The following PARD3B variants were observed in gnomAD, a reference collection of about 807,000 sequenced individuals.
PARD3B encodes the protein partitioning defective 3 homolog B.
A neutral mutation model predicts 130.2 loss-of-function variants in PARD3B; 103 were observed. The ratio of observed to expected loss-of-function variants is 0.79; its 90% CI spans 0.67 to 0.93. The LOEUF (loss-of-function observed/expected upper bound fraction) is 0.93, where lower values mean the gene tolerates loss of function less well. Among genes scored for constraint, PARD3B ranks in the 40% least tolerant of loss-of-function variants. The probability of loss-of-function intolerance (pLI) is 0.00; values close to 1 mark genes in which losing one functional copy is unlikely to be tolerated. For synonymous variants in PARD3B, 583 were observed against 553.2 expected (o/e 1.05, Z -0.76); for missense variants, 1,609 against 1,499.2 (o/e 1.07, Z -1.21).
rs529460024 is a variant in PARD3B at position 205,590,697 on chromosome 2, G to A, written c.3261-24759G>A. On this transcript the variant is annotated intron_variant, in intron 22 of 22. Transcript: ENST00000406610. This position sits in a 1 kb window ranked among gnomAD's most constrained non-coding sequence, Gnocchi z 4.1. ...GCAAAAGCAGCAACTTTCTTCCACTGTCTCAACTCGGATCACAAGGGAAGA... is the reference window on the plus strand; with the variant it reads ...GCAAAAGCAGCAACTTTCTTCCACTATCTCAACTCGGATCACAAGGGAAGA... Among the ~76,000 whole-genome samples the A allele has an allele frequency of 3.9e-5, 6 of 152,224 alleles. No homozygotes were observed. The South Asian group carries it at 6.2e-4, about 16-fold the overall frequency.
chr2:204,865,805 A>G (rs1400040091), intron 2 of PARD3B, among the ~76,000 whole-genome samples: 1 of 152,230 alleles, frequency 6.6e-6, no homozygotes, highest in Non-Finnish European at 1.5e-5. Context: ...ATAGTGATAT[A>G]GAAGAAGAGT....
intron 2 of PARD3B, among the ~76,000 whole-genome samples, chr2:204,818,778 AAGGAACTTTTTAT>A (rs1007431704): frequency 3.9e-5 from 6 of 152,222 alleles, no homozygotes; most frequent in African/African-American, 1.4e-4. Context: ...CATAAAGAAA[AAGGAACTTTTTAT>A]TAGTATCTCC....
intron 2 of PARD3B, among the ~76,000 whole-genome samples, chr2:204,807,800 T>C (rs552958859): frequency 1.5e-3 from 223 of 152,014 alleles, no homozygotes; most frequent in South Asian, 0.01. Context: ...ATTTAACTTA[T>C]GGAGATTGAG....
chr2:204,559,197 CT>C (rs1419586950), intron 1 of PARD3B, among the ~76,000 whole-genome samples: 2 of 152,168 alleles, frequency 1.3e-5, no homozygotes, highest in Non-Finnish European at 2.9e-5. Context: ...CAAATGGGAT[CT>C]AATTAAACTA....
chr2:205,134,416 T>A (rs1271394544), intron 10 of PARD3B, among the ~76,000 whole-genome samples: 1 of 151,450 alleles, frequency 6.6e-6, no homozygotes, highest in Admixed American at 6.6e-5. Flanking sequence ...CCCAGCCACT[T>A]GGTAGGCTGA....
chr2:204,812,313 C>T (rs1019645519), intron 2 of PARD3B, among the ~76,000 whole-genome samples: 3 of 152,126 alleles, frequency 2.0e-5, no homozygotes, highest in South Asian at 2.1e-4. Context: ...TTCTTGCCTC[C>T]CCAGAGGAAA....
rs189579090 is a variant in PARD3B, at chr2:204,694,796, A to G, written c.222+8514A>G. Among the ~76,000 whole-genome samples the G allele has an allele frequency of 2.4e-3, 368 of 152,090 alleles. 5 individuals carry two copies. The highest frequency in any genetic ancestry group is 8.5e-3 in the African/African-American group (355 of 41,536). On this transcript the variant is annotated intron_variant, in intron 2 of 22. Transcript: ENST00000406610. Reference sequence around the variant, plus strand: ...TGACAACTATAGTGTGTATGGGTGTATGTGTGTATGTACGTATGATGAGAG... The same window carrying G: ...TGACAACTATAGTGTGTATGGGTGTGTGTGTGTATGTACGTATGATGAGAG...
rs2052980929 is a variant in PARD3B at position 205,558,269 on chromosome 2, AG to A, written c.3260+4867del. On this transcript the variant is annotated intron_variant, in intron 22 of 22. Coordinates refer to ENST00000406610, the MANE Select transcript of PARD3B (RefSeq NM_001302769.2). This position sits in a 1 kb window ranked among gnomAD's most constrained non-coding sequence, Gnocchi z 4.8. ...AGTGGTAGAGGCCATACCCAGGGCG[AG>A]TTAACCAGGAAGGTGGAGCATGATG... 1.3e-5 allele frequency among the ~76,000 whole-genome samples: 2 copies of A among 152,254 alleles called. No homozygotes were observed. Among genetic ancestry groups the A allele is most frequent in the Admixed American group, 6.5e-5 (1 of 15,300 alleles).
At chr2:205,355,449 C>A (rs1222121276) in intron 18 of PARD3B, among the ~76,000 whole-genome samples, 1 of 152,046 alleles carries the variant, frequency 6.6e-6, no homozygotes, top group Admixed American at 6.5e-5. Context: ...TTTTTCATAT[C>A]TTTATGATCA....
At chr2:204,597,296 A>G (rs1032984283) in intron 1 of PARD3B, among the ~76,000 whole-genome samples, 1 of 151,830 alleles carries the variant, frequency 6.6e-6, no homozygotes, top group Non-Finnish European at 1.5e-5. Flanking sequence ...TGCCCATAGG[A>G]TAAATGAGAA....
At chr2:205,505,390 AAAAAT>A (rs4044520) in intron 21 of PARD3B, among the ~76,000 whole-genome samples, 16 of 150,616 alleles carry the variant, frequency 1.1e-4, no homozygotes, top group South Asian at 8.4e-4. Context: ...TAAATAATAA[AAAAAT>A]AAAATAAAAT....
rs544061913 is a variant in PARD3B at position 205,417,057 on chromosome 2, C to T, written c.2741+15934C>T. ...AACTCGTCATTTACATTAGGTGTAT[C>T]TCCTAATGCTATCCCTCCCCCCTCC... On this transcript the variant is annotated intron_variant, in intron 19 of 22. Transcript: ENST00000406610. Among the ~76,000 whole-genome samples the T allele has an allele frequency of 8.7e-5, 13 of 150,096 alleles. No homozygotes were observed. The South Asian group carries it at 2.8e-3, about 33-fold the overall frequency.
At chr2:204,746,512 G>T (rs1361083563) in intron 2 of PARD3B, among the ~76,000 whole-genome samples, 1 of 152,042 alleles carries the variant, frequency 6.6e-6, no homozygotes, top group East Asian at 1.9e-4. Flanking sequence ...TGGGATGGCT[G>T]GGTCAAATGG....
chr2:204,854,890 A>G, intron 2 of PARD3B, among the ~76,000 whole-genome samples: 1 of 152,096 alleles, frequency 6.6e-6, no homozygotes. Context: ...TTTTAATAGG[A>G]AGAAAAGAAG....
intron 21 of PARD3B, among the ~76,000 whole-genome samples, chr2:205,527,231 A>C (rs1422483039): frequency 6.6e-6 from 1 of 152,212 alleles, no homozygotes; most frequent in Non-Finnish European, 1.5e-5. Flanking sequence ...AAACACAAAC[A>C]CAGACACATA....
intron 22 of PARD3B, among the ~76,000 whole-genome samples, chr2:205,581,497 G>A (rs1430531806): frequency 1.4e-5 from 2 of 144,188 alleles, no homozygotes; most frequent in East Asian, 2.0e-4. Context: ...TCCACATGGT[G>A]CACAAGGATG....
rs866023206 is a variant in PARD3B, at chr2:205,208,867, T to G, written c.2140+15547T>G. 1.5e-4 allele frequency among the ~76,000 whole-genome samples: 21 copies of G among 141,748 alleles called. 1 individual carries two copies. Among genetic ancestry groups the G allele is most frequent in the Middle Eastern group, 3.5e-3 (1 of 284 alleles). The allele number at this position is 141,748 out of a possible 152,430, so 93.0% of individuals were successfully genotyped here. On this transcript the variant is annotated intron_variant, in intron 15 of 22. Coordinates refer to ENST00000406610, the MANE Select transcript of PARD3B (RefSeq NM_001302769.2). ...CTTTCTTCACAGAATTGGAAAAAAC[T>G]ACTTTAAAGTTCATATGGAACCAAA...
intron 19 of PARD3B, among the ~76,000 whole-genome samples, chr2:205,431,536 C>G (rs1336796576): frequency 6.6e-6 from 1 of 151,774 alleles, no homozygotes; most frequent in African/African-American, 2.4e-5. Flanking sequence ...GTGGCGCTAT[C>G]TCTGCTCACC....
At chr2:205,316,195 G>C (rs1050786513) in intron 18 of PARD3B, among the ~76,000 whole-genome samples, 29 of 152,248 alleles carry the variant, frequency 1.9e-4, no homozygotes, top group East Asian at 9.7e-4. Context: ...ATAAGAAAGA[G>C]GGTGAGCTGC....
Sources: gnomAD v4.1 joint callset for allele counts (sites outside exome capture counted in the v4.1 genomes callset) on GRCh38, gnomAD v4.1.1 for gene constraint, Gnocchi (gnomAD v3.1) non-coding constraint, MANE v1.5 for transcripts, NCBI Gene and HGNC (gene_info 2026-07-23, HGNC 2026-07-21) for gene names.